SYT17: variants seen among roughly 807,000 people sequenced by gnomAD.
SYT17 encodes synaptotagmin-17.
In SYT17, 22 loss-of-function variants were observed where a neutral mutation model predicts 46.7. The observed-to-expected ratio is 0.47, with a 90% CI of 0.34 to 0.67. The LOEUF is 0.67. SYT17 is among the 30% of genes least tolerant of loss of function. SYT17 has a pLI of 0.01. For missense variants in SYT17, 519 were observed against 612.8 expected (o/e 0.85, Z 1.62); for synonymous variants, 251 against 248.4 (o/e 1.01, Z -0.10).
intron 7 of SYT17, among the ~76,000 whole-genome samples, chr16:19,254,309 G>A (rs919447462): frequency 6.6e-6 from 1 of 152,032 alleles, no homozygotes; most frequent in East Asian, 1.9e-4. Context: ...GTAGGATCGG[G>A]CCCCTTTCTA....
At chr16:19,196,572 A>AT (rs1237741766) in intron 5 of SYT17, among the ~76,000 whole-genome samples, 1 of 151,232 alleles carries the variant, frequency 6.6e-6, no homozygotes, top group South Asian at 2.1e-4. Context: ...AAATGACTTT[A>AT]TTTTTTAGGG....
chr16:19,210,427 C>G (rs1306608400), intron 5 of SYT17, among the ~76,000 whole-genome samples: 1 of 151,688 alleles, frequency 6.6e-6, no homozygotes, highest in African/African-American at 2.4e-5. Flanking sequence ...ACCCACTTCT[C>G]TTTATCCTCT....
intron 7 of SYT17, among the ~76,000 whole-genome samples, chr16:19,241,617 G>A (rs777754985): frequency 1.3e-5 from 2 of 152,180 alleles, no homozygotes; most frequent in African/African-American, 4.8e-5. Flanking sequence ...TCTCCCACTG[G>A]TGGATGGCTC....
chr16:19,261,010 T>TA (rs200147970), intron 7 of SYT17, among the ~76,000 whole-genome samples: 3,895 of 151,468 alleles, frequency 0.026, 168 homozygotes, highest in African/African-American at 0.088. Context: ...GTCTAGTCTT[T>TA]AAAAAAAAAT....
At chr16:19,217,142 C>CT (rs1966126948) in intron 5 of SYT17, among the ~76,000 whole-genome samples, 1 of 152,098 alleles carries the variant, frequency 6.6e-6, no homozygotes, top group Admixed American at 6.6e-5. Context: ...TGATGATGAG[C>CT]TTTTTTCCAT....
At chr16:19,215,784 A>G (rs1966073219) in intron 5 of SYT17, among the ~76,000 whole-genome samples, 1 of 152,232 alleles carries the variant, frequency 6.6e-6, no homozygotes, top group Non-Finnish European at 1.5e-5. Context: ...TGATAAAGAC[A>G]TACCTGAGAC....
At chr16:19,264,596 CTT>C (rs58368073) in intron 7 of SYT17, among the ~76,000 whole-genome samples, 2 of 145,400 alleles carry the variant, frequency 1.4e-5, no homozygotes, top group Non-Finnish European at 1.5e-5. Context: ...TTTCCCCCAC[CTT>C]TTTTTTTTTT....
intron 7 of SYT17, among the ~76,000 whole-genome samples, 159 bp from the exon 8 acceptor site, chr16:19,266,721 C>T (rs1285152351): frequency 4.6e-5 from 7 of 152,096 alleles, no homozygotes; most frequent in East Asian, 3.9e-4. Flanking sequence ...GGACTTCTCA[C>T]CAAGAAAAGG....
rs1969487079 is a variant in SYT17, at chr16:19,268,128, ATCTT to A, written c.*1056_*1059del. On this transcript the variant is annotated 3_prime_UTR_variant, in exon 8 of 8. Coordinates refer to ENST00000355377, the MANE Select transcript of SYT17 (RefSeq NM_016524.4). ...CTTCTTCCTTAATCATACTCTGAGG[ATCTT>A]TCTGTGTTTTTCTGTGAACGAATGT... is the stretch of plus-strand genomic sequence containing the variant. The A allele has an allele frequency of 6.6e-6, 1 of 152,034 alleles. No homozygotes were observed. Among genetic ancestry groups the A allele is most frequent in the Admixed American group, 6.6e-5 (1 of 15,256 alleles). 9.4% of individuals were successfully genotyped at this position (152,034 alleles called of 1,614,324 possible). A position where few individuals can be genotyped will look rare whatever the true frequency, so the allele number is the denominator to read the frequency against.
At chr16:19,175,159 T>G (rs1964264569) in intron 3 of SYT17, among the ~76,000 whole-genome samples, 3 of 152,158 alleles carry the variant, frequency 2.0e-5, no homozygotes, top group Admixed American at 2.0e-4. Flanking sequence ...AAATGAGATA[T>G]GCATATAATA....
intron 7 of SYT17, among the ~76,000 whole-genome samples, chr16:19,246,591 C>T (rs981626780): frequency 9.2e-5 from 14 of 152,130 alleles, no homozygotes; most frequent in African/African-American, 2.7e-4. Context: ...TGTGTATATA[C>T]GTACACATAT....
intron 7 of SYT17, among the ~76,000 whole-genome samples, chr16:19,234,406 A>C (rs1966812655): frequency 6.6e-6 from 1 of 151,972 alleles, no homozygotes; most frequent in Non-Finnish European, 1.5e-5. Context: ...CTTTTGATGG[A>C]TCTCAGGTTT....
At chr16:19,261,555 C>G (rs1489027366) in intron 7 of SYT17, among the ~76,000 whole-genome samples, 2 of 152,126 alleles carry the variant, frequency 1.3e-5, no homozygotes. Context: ...CTTATTTTTC[C>G]TTTGTTTTCT....
At chr16:19,241,846 C>G (rs1318877828) in intron 7 of SYT17, among the ~76,000 whole-genome samples, 6 of 152,198 alleles carry the variant, frequency 3.9e-5, no homozygotes, top group Non-Finnish European at 5.9e-5. Flanking sequence ...AGTTGGCTGC[C>G]TTGGGCACGT....
In SYT17 at chr16:19,218,714, C is replaced by T. The variant is rs184470610; in HGVS notation, c.952-4331C>T. Among the ~76,000 whole-genome samples, 989 of 152,284 alleles carry T rather than the reference C, an allele frequency of 6.5e-3. 8 individuals carry two copies. Among genetic ancestry groups the T allele is most frequent in the African/African-American group, 0.022 (919 of 41,550 alleles). ...ATGGCCTCACCACCTCCTTCCAGTT[C>T]TGTGAAGACTGCCAGGATTGGGCAG... On this transcript the variant is annotated intron_variant, in intron 5 of 7. Coordinates refer to ENST00000355377, the MANE Select transcript of SYT17 (RefSeq NM_016524.4).
intron 7 of SYT17, among the ~76,000 whole-genome samples, chr16:19,246,693 A>G (rs1555462665): frequency 6.6e-6 from 1 of 152,162 alleles, no homozygotes; most frequent in Non-Finnish European, 1.5e-5. Flanking sequence ...TTTTGTTAGC[A>G]TCCAAAATGT....
At chr16:19,176,681 G>A (rs1964324729) in intron 3 of SYT17, among the ~76,000 whole-genome samples, 1 of 152,070 alleles carries the variant, frequency 6.6e-6, no homozygotes, top group African/African-American at 2.4e-5. Context: ...AGAGAGGTGG[G>A]CAGACATCAC....
intron 5 of SYT17, among the ~76,000 whole-genome samples, chr16:19,192,144 G>T (rs2142668845): frequency 6.6e-6 from 1 of 152,336 alleles, no homozygotes; most frequent in African/African-American, 2.4e-5. Context: ...CCATGGCCAG[G>T]CACGGTGCCT....
At chr16:19,260,503 CAAAAAAAAAA>C (rs58392770) in intron 7 of SYT17, among the ~76,000 whole-genome samples, 6 of 76,192 alleles carry the variant, frequency 7.9e-5, no homozygotes, top group Admixed American at 1.4e-4. Context: ...GACCTTGTCT[CAAAAAAAAAA>C]AAAAAAAAAA....
Sources: allele counts gnomAD v4.1 joint callset (sites outside exome capture counted in the v4.1 genomes callset), GRCh38; gene constraint gnomAD v4.1.1; transcripts MANE v1.5; gene names NCBI Gene and HGNC (gene_info 2026-07-23, HGNC 2026-07-21).